ELP2: variants seen among roughly 807,000 people sequenced by gnomAD.
ELP2 encodes the protein elongator acetyltransferase complex subunit 2.
A neutral mutation model predicts 119.2 loss-of-function variants in ELP2; 90 were observed. The observed-to-expected ratio is 0.75, with a 90% CI of 0.64 to 0.90. ELP2 has a LOEUF of 0.90. Ranked by LOEUF, ELP2 falls within the 40% of genes least tolerant of loss-of-function variation. The pLI is 0.00. For missense variants in ELP2, 921 were observed against 967.8 expected, an observed-to-expected ratio of 0.95 and a Z score of 0.64; for synonymous variants, 339 against 331.0, an observed-to-expected ratio of 1.02 and a Z score of -0.26.
intron 1 of ELP2, among the ~76,000 whole-genome samples, chr18:36,131,649 C>T (rs2089631826): frequency 6.6e-6 from 1 of 152,230 alleles, no homozygotes; most frequent in African/African-American, 2.4e-5. Context: ...GAGGAAGCAT[C>T]TTGGTAAAGT....
intron 11 of ELP2, among the ~76,000 whole-genome samples, chr18:36,154,521 A>G (rs528620709): frequency 1.3e-5 from 2 of 152,360 alleles, no homozygotes; most frequent in African/African-American, 4.8e-5. Flanking sequence ...AATCCTCATA[A>G]TAACCCTAGA....
Position 36,130,020 on chromosome 18 carries a change from A to G in ELP2, c.87A>G (p.Arg29=), listed in dbSNP as rs1217832519. 1.9e-6 allele frequency: 3 copies of G among 1,614,160 alleles called. No homozygotes were observed. The highest frequency in any genetic ancestry group is 1.7e-5 in the Admixed American group (1 of 60,028). The change falls in exon 1 of 22, where the codon AGA becomes AGG. Residue 29 remains arginine, a synonymous_variant. Coordinates refer to ENST00000358232, the MANE Select transcript of ELP2 (RefSeq NM_018255.4). ...TCCTGAACTGGAGCTCTGGGCCCAG[A>G]GGACTTCTGGCCTTTGGCACGTCCT... ...RGVLNWSSGP[R]GLLAFGTSCS...
chr18:36,162,421 A>G (rs972166447), intron 17 of ELP2, among the ~76,000 whole-genome samples: 2 of 152,106 alleles, frequency 1.3e-5, no homozygotes, highest in African/African-American at 2.4e-5. Context: ...AATGCTGAGT[A>G]GTTTTACTTT....
chr18:36,141,429 A>G, intron 6 of ELP2: 1 of 536,450 alleles, frequency 1.9e-6, no homozygotes. Context: ...ACAGGTCATT[A>G]GGTGGGGGAG....
chr18:36,164,805 G>A (rs974612931), intron 18 of ELP2, 138 bp downstream of exon 18: 3 of 776,048 alleles, frequency 3.9e-6, no homozygotes, highest in African/African-American at 3.5e-5. Context: ...CAAAGTTCTT[G>A]GATAACTGAG....
chr18:36,161,129 CTT>C, intron 17 of ELP2, 125 bp downstream of exon 17: 1 of 730,092 alleles, frequency 1.4e-6, no homozygotes, highest in Non-Finnish European at 2.5e-6. Flanking sequence ...TTTTTTGAAT[CTT>C]ACTTTCTCAA....
At chr18:36,172,225 C>G (rs1454907449) in intron 21 of ELP2, among the ~76,000 whole-genome samples, 1 of 152,168 alleles carries the variant, frequency 6.6e-6, no homozygotes, top group Non-Finnish European at 1.5e-5. Context: ...CATAATCACA[C>G]CATTGCACTC....
rs770755951 is a variant in ELP2 at position 36,129,905 on chromosome 18, C to G, written c.-29C>G. ...GCTCCGAGGGCGGAAGTGCGCGTCT[C>G]TTGTTTGTGCGGCTGACCAGTTGGC... On this transcript the variant is annotated 5_prime_UTR_variant, in exon 1 of 22. Transcript: ENST00000358232. 3 of 1,614,046 alleles carry G rather than the reference C, an allele frequency of 1.9e-6. No individual in the cohort carries two copies. The highest frequency in any genetic ancestry group is 2.5e-6 in the Non-Finnish European group (3 of 1,180,040).
chr18:36,169,425 T>TAAATTCTATAA (rs2091010147), intron 19 of ELP2, among the ~76,000 whole-genome samples: 1 of 151,100 alleles, frequency 6.6e-6, no homozygotes, highest in Non-Finnish European at 1.5e-5. Flanking sequence ...TCACTCTTGT[T>TAAATTCTATAA]GCTCAGGCTG....
At chr18:36,136,419 TC>T in intron 3 of ELP2, 42 bp downstream of exon 3, 3 of 1,508,106 alleles carry the variant, frequency 2.0e-6, no homozygotes, top group Non-Finnish European at 2.8e-6. Context: ...CTTTTTTTGT[TC>T]ATTTGTTTTT....
intron 5 of ELP2, chr18:36,139,321 A>T: frequency 8.3e-7 from 1 of 1,205,216 alleles, no homozygotes; most frequent in Non-Finnish European, 1.1e-6. Context: ...AAACAGAAAA[A>T]TTTCCCTTTT....
chr18:36,153,098 C>T (rs947778327), intron 11 of ELP2, among the ~76,000 whole-genome samples: 1 of 152,358 alleles, frequency 6.6e-6, no homozygotes, highest in African/African-American at 2.4e-5. Context: ...CCTTATCCAG[C>T]ACCCTCTTGT....
In ELP2 at chr18:36,167,092, T is replaced by A; in HGVS notation, c.1955-9T>A. The A allele has an allele frequency of 6.3e-7, 1 of 1,595,882 alleles. No homozygotes were observed. The highest frequency in any genetic ancestry group is 8.5e-7 in the Non-Finnish European group (1 of 1,171,898). On this transcript the variant is annotated splice_polypyrimidine_tract_variant and intron_variant, in intron 18 of 21. Transcript: ENST00000358232. ...TGCTTTGTGAATAGTGTATACATAT[T>A]TCTTTCAGAGCCAGTTTTTAGTCTT...
chr18:36,168,913 C>CTTTTTTTTT (rs61459855), intron 19 of ELP2, among the ~76,000 whole-genome samples: 1 of 69,258 alleles, frequency 1.4e-5, no homozygotes, highest in African/African-American at 6.1e-5. Context: ...CTCTCCATTT[C>CTTTTTTTTT]TTTTTTTTTT....
intron 13 of ELP2, chr18:36,158,586 T>C (rs1266539576): frequency 2.4e-6 from 1 of 408,372 alleles, no homozygotes; most frequent in Non-Finnish European, 4.5e-6. Flanking sequence ...ATGCCCGACT[T>C]TATGGATTGC....
intron 5 of ELP2, chr18:36,139,521 C>T (rs2089949198): frequency 6.5e-7 from 1 of 1,535,728 alleles, no homozygotes; most frequent in Non-Finnish European, 8.7e-7. Flanking sequence ...TCATGTTACG[C>T]TTCCATTCTG....
chr18:36,162,765 G>A (rs772719999), intron 17 of ELP2, among the ~76,000 whole-genome samples: 10 of 152,154 alleles, frequency 6.6e-5, no homozygotes, highest in African/African-American at 1.9e-4. Flanking sequence ...TAAGTGTGTA[G>A]CAGCTCATTA....
chr18:36,162,063 A>G (rs1940939268), intron 17 of ELP2, among the ~76,000 whole-genome samples: 1 of 152,172 alleles, frequency 6.6e-6, no homozygotes, highest in Admixed American at 6.5e-5. Flanking sequence ...AGGGTTATTA[A>G]CATACTATAA....
chr18:36,156,431 T>G, intron 12 of ELP2, 35 bp from the exon 13 acceptor site: 1 of 1,606,266 alleles, frequency 6.2e-7, no homozygotes, highest in South Asian at 1.1e-5. Context: ...ATTCAGCTTT[T>G]GAATGATCAT....
Sources: gnomAD v4.1 joint callset for allele counts (sites outside exome capture counted in the v4.1 genomes callset) on GRCh38, gnomAD v4.1.1 for gene constraint, MANE v1.5 for transcripts, NCBI Gene and HGNC (gene_info 2026-07-23, HGNC 2026-07-21) for gene names.